USP37: variants seen among roughly 807,000 people sequenced by gnomAD.
USP37 encodes the protein ubiquitin specific peptidase 37.
USP37 carries 27 observed loss-of-function variants against 124.0 expected under a neutral mutation model. The ratio of observed to expected loss-of-function variants is 0.22; its 90% CI spans 0.16 to 0.30. The LOEUF is 0.30. Ranked by LOEUF, USP37 falls within the 10% of genes least tolerant of loss-of-function variation. USP37 has a pLI of 1.00. For missense variants in USP37, 889 were observed against 1,140.4 expected, an observed-to-expected ratio of 0.78 and a Z score of 3.17; for synonymous variants, 365 against 388.0, an observed-to-expected ratio of 0.94 and a Z score of 0.70.
intron 11 of USP37, among the ~76,000 whole-genome samples, chr2:218,503,876 G>A (rs1278445198): frequency 1.3e-5 from 2 of 152,186 alleles, no homozygotes; most frequent in African/African-American, 4.8e-5. Context: ...CAATTAGCAA[G>A]ATGGTAGACT....
intron 14 of USP37, among the ~76,000 whole-genome samples, chr2:218,489,926 C>T (rs565179901): frequency 6.6e-6 from 1 of 152,344 alleles, no homozygotes; most frequent in South Asian, 2.1e-4. Flanking sequence ...GCCTGCTGCG[C>T]ATGACTCTAC....
chr2:218,550,242 C>T (rs1460411548), intron 5 of USP37, among the ~76,000 whole-genome samples: 1 of 151,898 alleles, frequency 6.6e-6, no homozygotes, highest in African/African-American at 2.4e-5. Flanking sequence ...CATTGTGTAT[C>T]AACAACATGA....
At chr2:218,472,359 G>GTA (rs918342162) in intron 20 of USP37, among the ~76,000 whole-genome samples, 1 of 151,978 alleles carries the variant, frequency 6.6e-6, no homozygotes, top group African/African-American at 2.4e-5. Context: ...GACTGAGTGT[G>GTA]TATATACACA....
intron 23 of USP37, among the ~76,000 whole-genome samples, chr2:218,457,908 C>T (rs887957390): frequency 2.0e-5 from 3 of 151,450 alleles, no homozygotes; most frequent in Admixed American, 6.6e-5. Context: ...AATTAGCTGG[C>T]GGGCGCCTGT....
chr2:218,488,262 T>C (rs1262821186), intron 15 of USP37, 42 bp downstream of exon 15: 3 of 1,261,252 alleles, frequency 2.4e-6, no homozygotes, highest in African/African-American at 3.0e-5. Flanking sequence ...CTATCAATGA[T>C]ATAAAATTTA....
chr2:218,559,505 C>T (rs1693204312), intron 3 of USP37, among the ~76,000 whole-genome samples: 1 of 152,090 alleles, frequency 6.6e-6, no homozygotes. Flanking sequence ...TCCAGAATTA[C>T]AATATTTGAG....
intron 10 of USP37, among the ~76,000 whole-genome samples, chr2:218,517,816 T>G (rs1239665758): frequency 1.3e-5 from 2 of 152,240 alleles, no homozygotes; most frequent in Non-Finnish European, 2.9e-5. Flanking sequence ...GTCCCTCTTC[T>G]TTGAGACTTT....
rs149823722 is a variant in USP37 at position 218,547,012 on chromosome 2, G to A, written c.509C>T (p.Ser170Leu). The A allele has an allele frequency of 1.8e-4, 286 of 1,613,428 alleles. No individual in the cohort carries two copies. The East Asian group carries it at 2.9e-3, about 16-fold the overall frequency. The change falls in exon 7 of 26, where the codon TCG becomes TTG. Residue 170 changes from serine to leucine, a missense_variant. Physicochemically the swap from Ser to Leu is moderately radical, Grantham distance 145. Around this residue, in one of 3 missense-constraint regions of USP37, gnomAD observed 374 missense variants for 386.0 expected, o/e 0.97. Coordinates refer to ENST00000258399, the MANE Select transcript of USP37 (RefSeq NM_020935.3). Reference sequence around the variant, plus strand: ...TCCACTTCCTGCTACAGTCTTAATCGATCCTCTACCCGGATTACCAAGAAC... The same window carrying A: ...TCCACTTCCTGCTACAGTCTTAATCAATCCTCTACCCGGATTACCAAGAAC... ...RKVLGNPGRGSIKTVAGSGIA... is the reference protein window; with the variant it reads ...RKVLGNPGRGLIKTVAGSGIA...
chr2:218,548,621 GAGTGAGCC>G (rs1441266984), intron 6 of USP37, among the ~76,000 whole-genome samples: 1 of 152,092 alleles, frequency 6.6e-6, no homozygotes, highest in Non-Finnish European at 1.5e-5. Flanking sequence ...GGGATTACAG[GAGTGAGCC>G]ACCACGCCTG....
chr2:218,499,199 G>A (rs1249564346), intron 11 of USP37, among the ~76,000 whole-genome samples: 2 of 152,108 alleles, frequency 1.3e-5, no homozygotes, highest in African/African-American at 2.4e-5. Flanking sequence ...GCTTGAACCC[G>A]GGAGGCGGAG....
chr2:218,519,714 C>A (rs936203923), intron 10 of USP37, among the ~76,000 whole-genome samples: 8 of 151,332 alleles, frequency 5.3e-5, no homozygotes, highest in African/African-American at 1.9e-4. Flanking sequence ...CTTGGCTACT[C>A]GGGAGACTGA....
At chr2:218,507,700 G>A (rs1689755263) in intron 11 of USP37, among the ~76,000 whole-genome samples, 1 of 152,038 alleles carries the variant, frequency 6.6e-6, no homozygotes, top group Non-Finnish European at 1.5e-5. Context: ...GGTGGAGGGA[G>A]GGGAAAAAGA....
At position 218,457,298 on chromosome 2, in the gene USP37, C is replaced by T. The variant is rs146021827; in HGVS notation, c.2644-137G>A. 55 of 808,212 alleles carry T rather than the reference C, an allele frequency of 6.8e-5. 1 individual carries two copies. Among genetic ancestry groups the T allele is most frequent in the East Asian group, 6.7e-4 (24 of 36,072 alleles). 50.1% of individuals were successfully genotyped at this position (808,212 alleles called of 1,614,324 possible). A position where few individuals can be genotyped will look rare whatever the true frequency, so the allele number is the denominator to read the frequency against. On this transcript the variant is annotated intron_variant, in intron 23 of 25. Transcript: ENST00000258399. Reference sequence around the variant, plus strand: ...GTAAGAATCAATTAAAAAATCTGTTCATACCCTTTGACCCAAGAATTCCAC... The same window carrying T: ...GTAAGAATCAATTAAAAAATCTGTTTATACCCTTTGACCCAAGAATTCCAC...
chr2:218,555,082 G>A (rs994304466), intron 4 of USP37, among the ~76,000 whole-genome samples: 1 of 152,104 alleles, frequency 6.6e-6, no homozygotes, highest in Non-Finnish European at 1.5e-5. Flanking sequence ...GCTATGAAGC[G>A]ATAACTTTTA....
intron 11 of USP37, among the ~76,000 whole-genome samples, chr2:218,499,987 T>A (rs991828446): frequency 6.6e-6 from 1 of 152,204 alleles, no homozygotes; most frequent in African/African-American, 2.4e-5. Context: ...TAGGCTGGTA[T>A]TGAACTCCAG....
rs573540948 is a variant in USP37, at chr2:218,501,488, T to C, written c.1026-3331A>G. On this transcript the variant is annotated intron_variant, in intron 11 of 25. Transcript: ENST00000258399. ...TGAGAGTCTGGAATTACCTTCCTAC[T>C]ATAAACAATGAGAAAACTGGACAAA... is the stretch of plus-strand genomic sequence containing the variant. Among the ~76,000 whole-genome samples the C allele has an allele frequency of 5.3e-5, 8 of 152,256 alleles. No homozygotes were observed. In the East Asian group the frequency reaches 1.5e-3, roughly 29 times the overall value.
chr2:218,547,147 G>T, intron 6 of USP37, 56 bp from the exon 7 acceptor site: 7 of 1,518,556 alleles, frequency 4.6e-6, no homozygotes, highest in Non-Finnish European at 5.3e-6. Flanking sequence ...AATACTTTTA[G>T]AACAGTGATT....
chr2:218,466,028 A>G lies in USP37; in HGVS notation c.2448T>C (p.Ala816=), dbSNP rs750766206. ...REEQELQQAL[A]QSLQEQEAWE... Reference sequence around the variant, plus strand: ...CTCTTACTTGCTCTTGAAGGCTCTGAGCCAGTGCCTGCTGAAGCTCTTGCT... The same window carrying G: ...CTCTTACTTGCTCTTGAAGGCTCTGGGCCAGTGCCTGCTGAAGCTCTTGCT... The change falls in exon 21 of 26, where the codon GCT becomes GCC. Residue 816 remains alanine, a synonymous_variant. Transcript: ENST00000258399. The G allele has an allele frequency of 3.7e-6, 6 of 1,611,430 alleles. No individual in the cohort carries two copies. The highest frequency in any genetic ancestry group is 5.1e-6 in the Non-Finnish European group (6 of 1,179,512).
Position 218,451,096 on chromosome 2 carries a change from TATC to T in USP37, c.*3831_*3833del, listed in dbSNP as rs1348581572. ...TATTTTTTCAGATGTTAATAAGACA[TATC>T]AGTAGAGACAAAATTAGGATTTTGA... On this transcript the variant is annotated 3_prime_UTR_variant, in exon 26 of 26. Transcript: ENST00000258399. 3 of 152,180 alleles carry T rather than the reference TATC, an allele frequency of 2.0e-5. No homozygotes were observed. The highest frequency in any genetic ancestry group is 6.6e-5 in the Admixed American group (1 of 15,266). The allele number at this position is 152,180 out of a possible 1,614,324, so 9.4% of individuals were successfully genotyped here.
Sources: allele counts gnomAD v4.1 joint callset (sites outside exome capture counted in the v4.1 genomes callset), GRCh38; gene constraint gnomAD v4.1.1; regional missense constraint gnomAD v4.1.1; transcripts MANE v1.5; gene names NCBI Gene and HGNC (gene_info 2026-07-23, HGNC 2026-07-21).